RIN2: variants seen among roughly 807,000 people sequenced by gnomAD.
The protein encoded by RIN2 is RAB5 interacting protein 2.
A neutral mutation model predicts 78.0 loss-of-function variants in RIN2; 36 were observed. The ratio of observed to expected loss-of-function variants is 0.46; its 90% CI spans 0.35 to 0.61. RIN2 has a LOEUF of 0.61. Ranked by LOEUF, RIN2 falls within the 20% of genes least tolerant of loss-of-function variation. RIN2 has a pLI of 0.00. For synonymous variants in RIN2, 466 were observed against 466.8 expected (o/e 1.00, Z 0.02); for missense variants, 1,087 against 1,159.7 (o/e 0.94, Z 0.91).
intron 3 of RIN2, among the ~76,000 whole-genome samples, chr20:19,898,285 A>T (rs2123590705): frequency 6.6e-6 from 1 of 152,340 alleles, no homozygotes; most frequent in Non-Finnish European, 1.5e-5. Flanking sequence ...TTTAAAAATC[A>T]GGAGTGAAGC....
chr20:19,939,781 T>C (rs957594865), intron 4 of RIN2, among the ~76,000 whole-genome samples: 1 of 152,044 alleles, frequency 6.6e-6, no homozygotes, highest in Non-Finnish European at 1.5e-5. Context: ...CCTCATTACC[T>C]GGCTTTATGT....
intron 2 of RIN2, among the ~76,000 whole-genome samples, chr20:19,848,534 CA>C (rs11352724): frequency 0.27 from 14,345 of 52,824 alleles, 665 homozygotes; most frequent in African/African-American, 0.4. Context: ...GACTCCATCT[CA>C]AAAAAAAAAA....
intron 2 of RIN2, among the ~76,000 whole-genome samples, chr20:19,804,869 T>A (rs2035355942): frequency 6.6e-6 from 1 of 152,118 alleles, no homozygotes; most frequent in Admixed American, 6.5e-5. Context: ...GTTTGTTTTG[T>A]TTTGTTTTTG....
chr20:19,792,199 G>A (rs1416657492), intron 1 of RIN2, among the ~76,000 whole-genome samples: 6 of 152,158 alleles, frequency 3.9e-5, no homozygotes, highest in Non-Finnish European at 5.9e-5. Context: ...TCCAGCTGGC[G>A]TGGTTTGCCT....
At chr20:19,891,126 A>T (rs897785812) in intron 3 of RIN2, among the ~76,000 whole-genome samples, 1 of 152,232 alleles carries the variant, frequency 6.6e-6, no homozygotes, top group African/African-American at 2.4e-5. Context: ...GAGTTACGTT[A>T]TGTTGACACA....
chr20:19,989,915 A>G (rs1244438078), intron 9 of RIN2, 91 bp from the exon 10 acceptor site: 1 of 1,270,760 alleles, frequency 7.9e-7, no homozygotes, highest in South Asian at 1.6e-5. Context: ...CAACCAATGC[A>G]TAGAGTTGCA....
At chr20:19,849,014 T>C (rs1004497031) in intron 2 of RIN2, among the ~76,000 whole-genome samples, 1 of 152,190 alleles carries the variant, frequency 6.6e-6, no homozygotes, top group Non-Finnish European at 1.5e-5. Flanking sequence ...GTACATCCAT[T>C]CCGTACAATG....
intron 4 of RIN2, among the ~76,000 whole-genome samples, chr20:19,938,171 C>A (rs2040723515): frequency 6.6e-6 from 1 of 152,170 alleles, no homozygotes; most frequent in Admixed American, 6.5e-5. Flanking sequence ...CCTGGAGAAC[C>A]CAGAGATCAC....
chr20:19,953,482 C>T (rs1020096712), intron 4 of RIN2, among the ~76,000 whole-genome samples: 1 of 151,742 alleles, frequency 6.6e-6, no homozygotes, highest in Non-Finnish European at 1.5e-5. Flanking sequence ...CTCTGTTGCC[C>T]AGCCTGGAGT....
chr20:19,932,001 A>C (rs2040460930), intron 3 of RIN2, among the ~76,000 whole-genome samples: 1 of 152,204 alleles, frequency 6.6e-6, no homozygotes, highest in Non-Finnish European at 1.5e-5. Context: ...TGCTTTCCAA[A>C]GTAGCTCTGG....
At chr20:19,765,575 C>T (rs186509208) in intron 1 of RIN2, among the ~76,000 whole-genome samples, 3 of 152,280 alleles carry the variant, frequency 2.0e-5, no homozygotes, top group African/African-American at 7.2e-5. Flanking sequence ...CTGGGAAGGG[C>T]AGGACAGTGT....
At chr20:19,994,878 G>C (rs2042906782) in intron 11 of RIN2, among the ~76,000 whole-genome samples, 1 of 152,138 alleles carries the variant, frequency 6.6e-6, no homozygotes, top group Non-Finnish European at 1.5e-5. Flanking sequence ...GGCAAGGTCT[G>C]GAAAACCCTT....
At chr20:19,840,686 C>T (rs6112603) in intron 2 of RIN2, among the ~76,000 whole-genome samples, 1,539 of 152,266 alleles carry the variant, frequency 0.01, 25 homozygotes, top group African/African-American at 0.035. Context: ...ACATCTTCAT[C>T]CAGGATGGGC....
chr20:19,879,129 G>T (rs2037943561), intron 2 of RIN2, among the ~76,000 whole-genome samples: 1 of 152,214 alleles, frequency 6.6e-6, no homozygotes, highest in Non-Finnish European at 1.5e-5. Flanking sequence ...CTATGTCCTT[G>T]TCACTCCTAA....
intron 2 of RIN2, among the ~76,000 whole-genome samples, chr20:19,821,306 C>T (rs563010065): frequency 4.6e-5 from 7 of 152,284 alleles, no homozygotes; most frequent in African/African-American, 1.7e-4. Flanking sequence ...AATTATACCA[C>T]TATCCACTCA....
chr20:19,801,232 A>G (rs1448649464), intron 2 of RIN2, among the ~76,000 whole-genome samples: 1 of 152,138 alleles, frequency 6.6e-6, no homozygotes, highest in Non-Finnish European at 1.5e-5. Flanking sequence ...TGCTCATATT[A>G]CACAATATTC....
chr20:19,960,079 C>G (rs1427671406), intron 5 of RIN2, among the ~76,000 whole-genome samples: 1 of 152,228 alleles, frequency 6.6e-6, no homozygotes, highest in Non-Finnish European at 1.5e-5. Context: ...AGTGCATCCA[C>G]CCACCACCCA....
intron 2 of RIN2, among the ~76,000 whole-genome samples, chr20:19,870,102 A>G (rs1186478224): frequency 6.6e-6 from 1 of 152,140 alleles, no homozygotes; most frequent in Non-Finnish European, 1.5e-5. Context: ...TGTAGCCATC[A>G]GGCCCCTTCA....
At chr20:19,831,712 A>G (rs2036256948) in intron 2 of RIN2, among the ~76,000 whole-genome samples, 1 of 152,224 alleles carries the variant, frequency 6.6e-6, no homozygotes, top group Non-Finnish European at 1.5e-5. Flanking sequence ...AGCAGGTACA[A>G]TGAGCTTGGA....
Sources: allele counts gnomAD v4.1 joint callset (sites outside exome capture counted in the v4.1 genomes callset), GRCh38; gene constraint gnomAD v4.1.1; transcripts MANE v1.5; gene names NCBI Gene and HGNC (gene_info 2026-07-23, HGNC 2026-07-21).